The following TSPAN10 variants were observed in gnomAD, a reference collection of about 807,000 sequenced individuals.
TSPAN10 encodes tetraspanin-10.
In TSPAN10, 11 loss-of-function variants were observed where a neutral mutation model predicts 15.0. The ratio of observed to expected loss-of-function variants is 0.73; its 90% CI spans 0.46 to 1.21. The LOEUF (loss-of-function observed/expected upper bound fraction) is 1.21. TSPAN10 is among the 50% of genes most tolerant of loss of function. The pLI is 0.00. For missense variants in TSPAN10, 486 were observed against 470.6 expected (o/e 1.03, Z -0.30); for synonymous variants, 241 against 226.2 (o/e 1.07, Z -0.59).
chr17:81,641,490 C>A (rs1002922780), upstream of TSPAN10, among the ~76,000 whole-genome samples: 4 of 151,976 alleles, frequency 2.6e-5, no homozygotes, highest in African/African-American at 7.2e-5. Flanking sequence ...AGCCAGGTGA[C>A]CTTTCCTCCT....
Position 81,642,995 on chromosome 17 carries a change from TTATATA to T in TSPAN10, c.36+569_36+574del, listed in dbSNP as rs71968441. Among the ~76,000 whole-genome samples, 1,081 of 143,074 alleles carry T rather than the reference TTATATA, an allele frequency of 7.6e-3. 24 individuals carry two copies. The East Asian group carries it at 0.076, about 10-fold the overall frequency. 93.9% of individuals were successfully genotyped at this position (143,074 alleles called of 152,430 possible). A position where few individuals can be genotyped will look rare whatever the true frequency, so the allele number is the denominator to read the frequency against. The stretch of plus-strand genomic sequence containing the variant: ...AGCGAGACCCTGTCTCTACAAAATA[TTATATA>T]TATATATATATATATATATATTTAG... On this transcript the variant is annotated intron_variant, in intron 1 of 2. Transcript: ENST00000611590.
intron 1 of TSPAN10, 43 bp downstream of exon 2, chr17:81,642,491 C>T (rs1337381506): frequency 3.5e-5 from 55 of 1,578,744 alleles, no homozygotes; most frequent in Non-Finnish European, 4.7e-5. Context: ...TGGAGATGTC[C>T]CCAGCCCTGA....
chr17:81,645,382 C>T (rs1000126252), exon 2 of TSPAN10: 2 of 1,598,986 alleles, frequency 1.3e-6, no homozygotes, highest in African/African-American at 2.7e-5. Flanking sequence ...CCTGGGCGCC[C>T]TCTGTGAGAA....
At chr17:81,648,410 G>T, downstream of TSPAN10, 2 of 1,026,512 alleles carry the variant, frequency 1.9e-6, no homozygotes, top group South Asian at 9.8e-5. Context: ...GGCTTCGGGT[G>T]ACTTCGCCGC....
exon 2 of TSPAN10, chr17:81,645,207 C>G: frequency 6.5e-7 from 1 of 1,544,322 alleles, no homozygotes. Context: ...TCCTCTCCAA[C>G]TTCCCCTTCT....
Position 81,645,526 on chromosome 17 carries a change from G to C in TSPAN10, c.571G>C (p.Ala191Pro), listed in dbSNP as rs372446223. 4 of 1,595,776 alleles carry C rather than the reference G, an allele frequency of 2.5e-6. No homozygotes were observed. The South Asian group carries it at 4.5e-5, about 18-fold the overall frequency. The change falls in exon 2 of 3, where the codon GCC becomes CCC. Residue 191 changes from alanine to proline, a missense_variant. Ala to Pro is a conservative substitution (Grantham distance 27, BLOSUM62 -1). Transcript: ENST00000611590. ...GGAGCACACCCTGCGTGTGGCCATC[G>C]CCCACTACCAGGACGACCCAGACCT...
chr17:81,640,274 G>A (rs1361756530), upstream of TSPAN10, among the ~76,000 whole-genome samples: 3 of 151,896 alleles, frequency 2.0e-5, no homozygotes, highest in Non-Finnish European at 2.9e-5. Context: ...GGCATAAGCC[G>A]CTGTACCCAG....
At chr17:81,639,654 G>A (rs2036160055), upstream of TSPAN10, among the ~76,000 whole-genome samples, 1 of 149,880 alleles carries the variant, frequency 6.7e-6, no homozygotes, top group South Asian at 2.1e-4. Context: ...TCCCAGCGCG[G>A]TGGCTCACGC....
upstream of TSPAN10, among the ~76,000 whole-genome samples, chr17:81,639,549 A>G (rs76232455): frequency 0.012 from 1,886 of 151,892 alleles, 45 homozygotes; most frequent in African/African-American, 0.043. Flanking sequence ...ATCCCAGATC[A>G]AGGTGTCAGT....
upstream of TSPAN10, among the ~76,000 whole-genome samples, chr17:81,641,304 C>G (rs1208632963): frequency 1.3e-5 from 2 of 152,142 alleles, no homozygotes; most frequent in Non-Finnish European, 2.9e-5. Flanking sequence ...TGAAGGGAAG[C>G]TGGAGCCCAG....
At chr17:81,645,195 C>T (rs1315417272) in exon 2 of TSPAN10, 2 of 1,546,438 alleles carry the variant, frequency 1.3e-6, no homozygotes, top group Non-Finnish European at 1.7e-6. Flanking sequence ...AGTATCTGAT[C>T]TTCCTCTCCA....
upstream of TSPAN10, among the ~76,000 whole-genome samples, chr17:81,639,636 G>A (rs1404980364): frequency 3.3e-5 from 5 of 151,304 alleles, no homozygotes; most frequent in East Asian, 3.9e-4. Context: ...GGTGGCTCAC[G>A]CCTGTCATCC....
chr17:81,646,913 C>T (rs893212530), intron 2 of TSPAN10, among the ~76,000 whole-genome samples: 6 of 151,594 alleles, frequency 4.0e-5, no homozygotes, highest in African/African-American at 4.8e-5. Flanking sequence ...GGCTCGATCT[C>T]GGCTCACTGT....
At chr17:81,646,881 C>G (rs73371232) in intron 2 of TSPAN10, among the ~76,000 whole-genome samples, 6,776 of 151,402 alleles carry the variant, frequency 0.045, 255 homozygotes, top group East Asian at 0.21. Flanking sequence ...GAGTCTCCCT[C>G]TCGCCCAGGC....
At chr17:81,639,200 C>CTTTTTTTTTTTTTTTTTTTTTTTTTTT (rs757994889), upstream of TSPAN10, 2 of 115,252 alleles carry the variant, frequency 1.7e-5, no homozygotes, top group African/African-American at 3.5e-5. Context: ...TTTGGAATTA[C>CTTTTTTTTTTTTTTTTTTTTTTTTTTT]TTTTCTTTTT....
intron 2 of TSPAN10, chr17:81,647,654 C>A: frequency 3.1e-6 from 2 of 651,502 alleles, no homozygotes; most frequent in Non-Finnish European, 5.6e-6. Flanking sequence ...TCCTGCTAGT[C>A]AACACAGCCA....
chr17:81,648,350 C>T, downstream of TSPAN10: 1 of 1,194,176 alleles, frequency 8.4e-7, no homozygotes, highest in African/African-American at 1.6e-5. Context: ...GGCGCCTCCG[C>T]CCGGCTAAAA....
At chr17:81,648,105 C>G (rs1428850674) in exon 3 of TSPAN10, 17 of 1,572,266 alleles carry the variant, frequency 1.1e-5, no homozygotes, top group Non-Finnish European at 1.4e-5. Context: ...ACCTGGCTGC[C>G]TCGGGCGGCT....
chr17:81,637,446 TTCA>T (rs756856127), upstream of TSPAN10: 56 of 637,000 alleles, frequency 8.8e-5, 2 homozygotes, highest in South Asian at 8.8e-4. Flanking sequence ...GGATCACACC[TTCA>T]TGTTTTTTTT....
Sources: gnomAD v4.1 joint callset for allele counts (sites outside exome capture counted in the v4.1 genomes callset) on GRCh38, gnomAD v4.1.1 for gene constraint, MANE v1.5 for transcripts, NCBI Gene and HGNC (gene_info 2026-07-23, HGNC 2026-07-21) for gene names.